Variants in COL4A1 observed in about 807,000 individuals in gnomAD.
COL4A1 encodes collagen type IV alpha 1 chain.
COL4A1 carries 40 observed loss-of-function variants against 216.6 expected under a neutral mutation model. That is an observed-to-expected ratio of 0.18 (90% confidence interval 0.14 to 0.24). COL4A1 has a LOEUF of 0.24. Among genes scored for constraint, COL4A1 ranks in the 10% least tolerant of loss-of-function variants. The probability of loss-of-function intolerance (pLI) is 1.00; values close to 1 mark genes in which losing one functional copy is unlikely to be tolerated. For synonymous variants in COL4A1, 839 were observed against 810.7 expected (o/e 1.03, Z -0.59); for missense variants, 1,628 against 2,196.8 (o/e 0.74, Z 5.18).
chr13:110,220,899 G>C (rs1880448243), intron 2 of COL4A1, among the ~76,000 whole-genome samples: 2 of 152,180 alleles, frequency 1.3e-5, no homozygotes, highest in Non-Finnish European at 1.5e-5. Flanking sequence ...TTTTATACTG[G>C]ACTTCTGGCC....
At chr13:110,279,192 G>T (rs112623961) in intron 1 of COL4A1, among the ~76,000 whole-genome samples, 1 of 151,982 alleles carries the variant, frequency 6.6e-6, no homozygotes, top group Non-Finnish European at 1.5e-5. Flanking sequence ...ACACTGGAGC[G>T]CCCTTTCCTT....
intron 2 of COL4A1, among the ~76,000 whole-genome samples, chr13:110,240,226 A>C (rs545018735): frequency 1.6e-3 from 241 of 152,248 alleles, no homozygotes; most frequent in Non-Finnish European, 2.6e-3. Context: ...ATTAAAAAAA[A>C]ACAGTAAGAA....
chr13:110,222,544 C>T (rs1342613964), intron 2 of COL4A1, among the ~76,000 whole-genome samples: 1 of 150,384 alleles, frequency 6.6e-6, no homozygotes, highest in African/African-American at 2.4e-5. Flanking sequence ...GAGGCCGAGG[C>T]GGGTGGATCA....
At chr13:110,302,504 C>G (rs1884534771) in intron 1 of COL4A1, among the ~76,000 whole-genome samples, 1 of 152,078 alleles carries the variant, frequency 6.6e-6, no homozygotes, top group Admixed American at 6.6e-5. Context: ...TGCAGCTCAC[C>G]CACACTGAGG....
intron 41 of COL4A1, among the ~76,000 whole-genome samples, chr13:110,171,825 A>T (rs994526165): frequency 2.0e-5 from 3 of 152,242 alleles, no homozygotes; most frequent in Admixed American, 2.0e-4. Flanking sequence ...CCCCTTGAGC[A>T]GGTGCATTTG....
At chr13:110,159,219 A>G (rs1876946057) in intron 49 of COL4A1, among the ~76,000 whole-genome samples, 2 of 151,944 alleles carry the variant, frequency 1.3e-5, no homozygotes, top group South Asian at 4.2e-4. Context: ...AGTCCAACAC[A>G]TGCATTTTCG....
chr13:110,306,630 C>T (rs924919183), intron 1 of COL4A1, among the ~76,000 whole-genome samples: 2 of 152,230 alleles, frequency 1.3e-5, no homozygotes, highest in African/African-American at 2.4e-5. Flanking sequence ...CGAGCATACC[C>T]GCGACGCGGG....
At chr13:110,299,804 G>A (rs889242164) in intron 1 of COL4A1, among the ~76,000 whole-genome samples, 9 of 152,172 alleles carry the variant, frequency 5.9e-5, no homozygotes, top group African/African-American at 1.9e-4. Context: ...TAGCAAATAC[G>A]TCACACACAA....
intron 2 of COL4A1, among the ~76,000 whole-genome samples, chr13:110,242,465 A>G (rs961865161): frequency 4.6e-5 from 7 of 152,252 alleles, no homozygotes; most frequent in East Asian, 1.9e-4. Flanking sequence ...GCCACATACT[A>G]TTACATTCTT....
At position 110,152,492 on chromosome 13, in the gene COL4A1, A is replaced by C. The variant is rs1339688171; in HGVS notation, c.4770T>G (p.Gly1590=). 6.2e-7 allele frequency: 1 copy of C among 1,612,400 alleles called. No individual in the cohort carries two copies. The highest frequency in any genetic ancestry group is 1.7e-5 in the Admixed American group (1 of 59,950). The change falls in exon 51 of 52, where the codon GGT becomes GGG. Residue 1590 remains glycine, a synonymous_variant. Transcript: ENST00000375820. ...CCAGGGCTTGGCCAGAGCCTTCTGC[A>C]CCAGCGCTGGTGTGCTGCAGAACAG... ...GYSFVMHTSA[G]AEGSGQALAS...
At chr13:110,193,089 C>T (rs1365440226) in intron 22 of COL4A1, among the ~76,000 whole-genome samples, 176 bp from the exon 23 acceptor site, 1 of 152,228 alleles carries the variant, frequency 6.6e-6, no homozygotes, top group Non-Finnish European at 1.5e-5. Context: ...AAACTGCAGT[C>T]AAACGCACGT....
At chr13:110,152,232 T>C (rs1876531553) in intron 51 of COL4A1, 102 bp downstream of exon 51, 1 of 1,544,070 alleles carries the variant, frequency 6.5e-7, no homozygotes. Flanking sequence ...TTGCTAACCA[T>C]CTTTGAGACT....
chr13:110,183,372 T>C (rs1288517591), intron 26 of COL4A1, 96 bp from the exon 27 acceptor site: 1 of 1,142,886 alleles, frequency 8.7e-7, no homozygotes, highest in Non-Finnish European at 1.3e-6. Context: ...CGCCACATCC[T>C]ACCCAGCACC....
intron 1 of COL4A1, among the ~76,000 whole-genome samples, chr13:110,303,171 T>G (rs1267570313): frequency 6.6e-6 from 1 of 152,172 alleles, no homozygotes; most frequent in Non-Finnish European, 1.5e-5. Flanking sequence ...TAATGAATAA[T>G]GTAGGGTTTT....
chr13:110,206,545 T>C (rs1269353906), intron 15 of COL4A1, 120 bp downstream of exon 15: 12 of 1,152,952 alleles, frequency 1.0e-5, no homozygotes, highest in East Asian at 9.4e-5. Flanking sequence ...CTTCGGGGCA[T>C]GAAAGGGATA....
chr13:110,283,880 T>C (rs561437), intron 1 of COL4A1, among the ~76,000 whole-genome samples: 67,451 of 152,076 alleles, frequency 0.44, 16,493 homozygotes, highest in East Asian at 0.85. Flanking sequence ...CTGGCAAAGC[T>C]GTCACATGTC....
chr13:110,295,444 T>G (rs1594124517), intron 1 of COL4A1, among the ~76,000 whole-genome samples: 2 of 86,090 alleles, frequency 2.3e-5, no homozygotes. Context: ...TTTTTTTTTT[T>G]GACAAAGTGT....
At chr13:110,204,343 C>A (rs1371960981) in intron 17 of COL4A1, among the ~76,000 whole-genome samples, 1 of 152,136 alleles carries the variant, frequency 6.6e-6, no homozygotes, top group African/African-American at 2.4e-5. Context: ...TTAGAAATAT[C>A]TAGAGGACAT....
rs140661222 is a variant in COL4A1 at position 110,152,438 on chromosome 13, A to G, written c.4824T>C (p.Phe1608=). 17 of 1,614,040 alleles carry G rather than the reference A, an allele frequency of 1.1e-5. No homozygotes were observed. The African/African-American group carries it at 1.2e-4, about 11-fold the overall frequency. Residue 1608 remains phenylalanine, a synonymous_variant, in exon 51 of 52, where the codon TTT becomes TTC. Transcript: ENST00000375820. ...LASPGSCLEE[F]RSAPFIECHG... ...GACACTCGATGAATGGCGCACTTCT[A>G]AACTCCTCCAGGCAGGAGCCGGGGG...
Sources: gnomAD v4.1 joint callset for allele counts (sites outside exome capture counted in the v4.1 genomes callset) on GRCh38, gnomAD v4.1.1 for gene constraint, MANE v1.5 for transcripts, NCBI Gene and HGNC (gene_info 2026-07-23, HGNC 2026-07-21) for gene names.